PYROXD2: variants seen among roughly 807,000 people sequenced by gnomAD.
PYROXD2 encodes pyridine nucleotide-disulfide oxidoreductase domain-containing protein 2.
PYROXD2 carries 69 observed loss-of-function variants against 71.1 expected under a neutral mutation model. The observed-to-expected ratio is 0.97, with a 90% CI of 0.80 to 1.19. PYROXD2 has a LOEUF of 1.19. Ranked by LOEUF, PYROXD2 falls within the 50% of genes most tolerant of loss-of-function variation. The probability of loss-of-function intolerance (pLI) is 0.00; values close to 1 mark genes in which losing one functional copy is unlikely to be tolerated. For missense variants in PYROXD2, 745 were observed against 748.9 expected, an observed-to-expected ratio of 0.99 and a Z score of 0.06; for synonymous variants, 287 against 302.7, an observed-to-expected ratio of 0.95 and a Z score of 0.54.
intron 2 of PYROXD2, among the ~76,000 whole-genome samples, chr10:98,410,289 T>C (rs1843742433): frequency 6.6e-6 from 1 of 152,212 alleles, no homozygotes; most frequent in Non-Finnish European, 1.5e-5. Context: ...CACATTTGTT[T>C]TGTGGCCTTG....
rs144167578 is a variant in PYROXD2, at chr10:98,410,941, C to T, written c.145G>A (p.Ala49Thr). 3 of 1,564,032 alleles carry T rather than the reference C, an allele frequency of 1.9e-6. No homozygotes were observed. The highest frequency in any genetic ancestry group is 2.6e-6 in the Non-Finnish European group (3 of 1,153,436). The change falls in exon 2 of 16, where the codon GCT (alanine) becomes ACT (threonine). Residue 49 changes from alanine to threonine, a missense_variant and splice_region_variant. By Grantham distance (58) the Ala-to-Thr change is moderately conservative (BLOSUM62 0). Coordinates refer to ENST00000370575, the MANE Select transcript of PYROXD2 (RefSeq NM_032709.3). ...VIGAGHNGLVAAAYLQRLGVN... is the reference protein window; with the variant it reads ...VIGAGHNGLVTAAYLQRLGVN... ...GGATCAAGTGGGGAGGTACTCACAG[C>T]CACCAGTCCGTTGTGTCCTGCAACA... is the stretch of plus-strand genomic sequence containing the variant.
At chr10:98,384,423 G>A (rs1842686040) in intron 15 of PYROXD2, among the ~76,000 whole-genome samples, 1 of 152,130 alleles carries the variant, frequency 6.6e-6, no homozygotes, top group Admixed American at 6.5e-5. Context: ...TTCGAGACCA[G>A]CCCGGGCAAC....
intron 5 of PYROXD2, among the ~76,000 whole-genome samples, chr10:98,398,263 C>T (rs1843268607): frequency 6.6e-6 from 1 of 152,130 alleles, no homozygotes; most frequent in South Asian, 2.1e-4. Flanking sequence ...GGTCGTCTCC[C>T]ATGCCGTCTC....
chr10:98,387,378 G>A, intron 13 of PYROXD2, 71 bp from the exon 14 acceptor site: 1 of 1,020,768 alleles, frequency 9.8e-7, no homozygotes, highest in South Asian at 1.4e-5. Context: ...GTACAACTTG[G>A]CAAATTTACT....
intron 6 of PYROXD2, 48 bp from the exon 7 acceptor site, chr10:98,395,500 A>G: frequency 6.5e-7 from 1 of 1,548,360 alleles, no homozygotes; most frequent in Middle Eastern, 1.7e-4. Context: ...GTGACAGGGA[A>G]ACCCTCCGAC....
chr10:98,397,445 A>G lies in PYROXD2; in HGVS notation c.525T>C (p.Pro175=). 1 of 1,613,488 alleles carries G rather than the reference A, an allele frequency of 6.2e-7. No individual in the cohort carries two copies. Among genetic ancestry groups the G allele is most frequent in the South Asian group, 1.1e-5 (1 of 90,932 alleles). The part of the protein sequence containing the change: ...FMHRLALAID[P]LLDAAPVDMA... Reference sequence around the variant, plus strand: ...TGTCCACGGGGGCCGCATCCAGCAGAGGGTCAATGGCTAATGCCAAGCGAT... The same window carrying G: ...TGTCCACGGGGGCCGCATCCAGCAGGGGGTCAATGGCTAATGCCAAGCGAT... The change falls in exon 6 of 16, where the codon CCT becomes CCC. Residue 175 remains proline (P), a synonymous_variant. Transcript: ENST00000370575.
chr10:98,397,877 CTTTTTTTTTTTTTT>C (rs60678578), intron 5 of PYROXD2, among the ~76,000 whole-genome samples: 2 of 84,172 alleles, frequency 2.4e-5, no homozygotes, highest in East Asian at 3.6e-4. Flanking sequence ...GTCCTTTCTT[CTTTTTTTTTTTTTT>C]TTTTTTTTTG....
At chr10:98,396,097 C>T (rs1167209814) in intron 6 of PYROXD2, among the ~76,000 whole-genome samples, 1 of 152,200 alleles carries the variant, frequency 6.6e-6, no homozygotes, top group Non-Finnish European at 1.5e-5. Context: ...TAATAGATTC[C>T]ACTGGCTCCA....
At chr10:98,401,681 TA>T (rs1243035576) in intron 4 of PYROXD2, among the ~76,000 whole-genome samples, 2 of 152,198 alleles carry the variant, frequency 1.3e-5, no homozygotes, top group Admixed American at 1.3e-4. Context: ...TTTTTTACTT[TA>T]TAACCTTTTT....
Position 98,397,882 on chromosome 10 carries a change from T to C in PYROXD2, c.472-384A>G, listed in dbSNP as rs1187453429. On this transcript the variant is annotated intron_variant, in intron 5 of 15. Coordinates refer to ENST00000370575, the MANE Select transcript of PYROXD2 (RefSeq NM_032709.3). The stretch of plus-strand genomic sequence containing the variant: ...TCTTCCTTCTGTCCTTTCTTCTTTT[T>C]TTTTTTTTTTTTTTTTTTGAGATGG... 3.2e-4 allele frequency among the ~76,000 whole-genome samples: 39 copies of C among 121,004 alleles called. 1 individual carries two copies. In the South Asian group the frequency reaches 7.6e-3, roughly 24 times the overall value. The allele number at this position is 121,004 out of a possible 152,430, so 79.4% of individuals were successfully genotyped here. A position where few individuals can be genotyped will look rare whatever the true frequency, so the allele number is the denominator to read the frequency against.
At chr10:98,402,718 C>T (rs1325593196) in intron 4 of PYROXD2, among the ~76,000 whole-genome samples, 1 of 152,230 alleles carries the variant, frequency 6.6e-6, no homozygotes, top group African/African-American at 2.4e-5. Flanking sequence ...TCAGCCAGGC[C>T]TCCCCCGCAC....
At chr10:98,402,395 G>A (rs941428836) in intron 4 of PYROXD2, among the ~76,000 whole-genome samples, 2 of 152,066 alleles carry the variant, frequency 1.3e-5, no homozygotes, top group African/African-American at 4.8e-5. Flanking sequence ...ATCAAGCAAT[G>A]GTTATGTGAA....
rs75007873 is a variant in PYROXD2, at chr10:98,408,367, G to A, written c.148-370C>T. Reference sequence around the variant, plus strand: ...AGCCAGCCTCATTTCTCCTACAAGCGCAGCACAGTGAGGTGGAACTTGTGA... The same window carrying A: ...AGCCAGCCTCATTTCTCCTACAAGCACAGCACAGTGAGGTGGAACTTGTGA... On this transcript the variant is annotated intron_variant, in intron 2 of 15. Transcript: ENST00000370575. 8.5e-5 allele frequency among the ~76,000 whole-genome samples: 13 copies of A among 152,288 alleles called. No individual in the cohort carries two copies. The East Asian group carries it at 1.5e-3, about 18-fold the overall frequency.
At position 98,390,922 on chromosome 10, in the gene PYROXD2, G is replaced by A. The variant is rs998618864; in HGVS notation, c.1135+88C>T. 3.7e-6 allele frequency: 5 copies of A among 1,347,146 alleles called. No homozygotes were observed. In the African/African-American group the frequency reaches 4.3e-5, roughly 12 times the overall value. 83.4% of individuals were successfully genotyped at this position (1,347,146 alleles called of 1,614,324 possible). A position where few individuals can be genotyped will look rare whatever the true frequency, so the allele number is the denominator to read the frequency against. On this transcript the variant is annotated intron_variant, in intron 11 of 15. Transcript: ENST00000370575. ...AGGCTGGAGGTCCGGGAATGGAGAT[G>A]ATGACTGAGTTCAGCTGCCCCCAGC...
chr10:98,394,397 G>A (rs917284797), intron 8 of PYROXD2, among the ~76,000 whole-genome samples: 1 of 152,082 alleles, frequency 6.6e-6, no homozygotes, highest in Admixed American at 6.5e-5. Flanking sequence ...ATTTGGGGCC[G>A]GCTTAATATG....
chr10:98,411,005 C>G, intron 1 of PYROXD2, 47 bp from the exon 2 acceptor site: 5 of 1,553,336 alleles, frequency 3.2e-6, no homozygotes, highest in Non-Finnish European at 4.4e-6. Context: ...GGTCAGCGGG[C>G]GGGCAGACAG....
At chr10:98,402,545 A>G (rs774073889) in intron 4 of PYROXD2, among the ~76,000 whole-genome samples, 5 of 152,242 alleles carry the variant, frequency 3.3e-5, no homozygotes, top group Non-Finnish European at 4.4e-5. Context: ...ATATTTGATT[A>G]GCACACAGAA....
At chr10:98,403,886 C>G (rs1564807385) in intron 4 of PYROXD2, among the ~76,000 whole-genome samples, 2 of 152,188 alleles carry the variant, frequency 1.3e-5, no homozygotes, top group Non-Finnish European at 2.9e-5. Context: ...AGCAGGTGCT[C>G]AGAAACATGG....
intron 1 of PYROXD2, 80 bp downstream of exon 1, chr10:98,414,929 C>G: frequency 5.2e-6 from 8 of 1,533,756 alleles, no homozygotes; most frequent in East Asian, 2.3e-5. Context: ...GCTTGGCTCC[C>G]CCTCCCCCTC....
Sources: gnomAD v4.1 joint callset for allele counts (sites outside exome capture counted in the v4.1 genomes callset) on GRCh38, gnomAD v4.1.1 for gene constraint, MANE v1.5 for transcripts, NCBI Gene and HGNC (gene_info 2026-07-23, HGNC 2026-07-21) for gene names.